The following DOCK10 variants were observed in gnomAD, a reference collection of about 807,000 sequenced individuals.
DOCK10 encodes dedicator of cytokinesis protein 10.
DOCK10 carries 145 observed loss-of-function variants against 280.1 expected under a neutral mutation model. That is an observed-to-expected ratio of 0.52 (90% CI 0.45 to 0.59). The LOEUF (loss-of-function observed/expected upper bound fraction) is 0.59, where lower values mean the gene tolerates loss of function less well. Ranked by LOEUF, DOCK10 falls within the 20% of genes least tolerant of loss-of-function variation. The pLI is 0.00. For missense variants in DOCK10, 2,368 were observed against 2,651.7 expected (o/e 0.89, Z 2.35); for synonymous variants, 915 against 942.2 (o/e 0.97, Z 0.53).
chr2:225,036,352 G>A (rs2106141088), intron 1 of DOCK10, among the ~76,000 whole-genome samples: 1 of 152,276 alleles, frequency 6.6e-6, no homozygotes, highest in South Asian at 2.1e-4. Flanking sequence ...TTTCTAAGTG[G>A]TCTAAACCTC....
intron 38 of DOCK10, 65 bp downstream of exon 38, chr2:224,804,729 A>C: frequency 9.6e-7 from 1 of 1,040,162 alleles, no homozygotes; most frequent in Non-Finnish European, 1.4e-6. Context: ...CTAACCTGAC[A>C]CATTAATACA....
chr2:224,987,658 G>T (rs575353759), intron 1 of DOCK10, among the ~76,000 whole-genome samples: 1 of 152,112 alleles, frequency 6.6e-6, no homozygotes. Context: ...CTTGTCCACA[G>T]GTCAGTCTGA....
intron 3 of DOCK10, among the ~76,000 whole-genome samples, chr2:224,906,329 A>G (rs891201657): frequency 6.6e-6 from 1 of 152,160 alleles, no homozygotes; most frequent in East Asian, 1.9e-4. Flanking sequence ...ATGCATCTGG[A>G]CTATTAAAAC....
chr2:224,830,132 G>A (rs1695130469), intron 27 of DOCK10, among the ~76,000 whole-genome samples: 1 of 152,170 alleles, frequency 6.6e-6, no homozygotes, highest in Non-Finnish European at 1.5e-5. Context: ...GAGGCCGATG[G>A]CCTTCCCAGT....
intron 50 of DOCK10, among the ~76,000 whole-genome samples, chr2:224,780,619 C>T (rs779413444): frequency 6.6e-6 from 1 of 151,862 alleles, no homozygotes; most frequent in Non-Finnish European, 1.5e-5. Flanking sequence ...TTGTCATCAT[C>T]GGCTGGGTGC....
chr2:224,852,046 G>T (rs973371175), intron 18 of DOCK10, among the ~76,000 whole-genome samples: 5 of 152,176 alleles, frequency 3.3e-5, no homozygotes, highest in Admixed American at 6.5e-5. Context: ...CGGCTGGGGT[G>T]TTCTGTTTTA....
intron 27 of DOCK10, among the ~76,000 whole-genome samples, chr2:224,824,429 CTTTTTTT>C (rs869275800): frequency 4.7e-5 from 3 of 63,602 alleles, no homozygotes; most frequent in Non-Finnish European, 8.6e-5. Flanking sequence ...TCAGACTCTG[CTTTTTTT>C]TTTTTTTTTT....
chr2:224,987,275 C>T (rs1705999787), intron 1 of DOCK10, among the ~76,000 whole-genome samples: 1 of 152,188 alleles, frequency 6.6e-6, no homozygotes, highest in South Asian at 2.1e-4. Context: ...TGATTAATAA[C>T]TAAAAATGAA....
At chr2:224,890,035 A>G (rs10174943) in intron 4 of DOCK10, among the ~76,000 whole-genome samples, 21,631 of 152,226 alleles carry the variant, frequency 0.14, 2,195 homozygotes, top group African/African-American at 0.29. Flanking sequence ...AGTGAATGAA[A>G]AAAGAGTGAA....
intron 19 of DOCK10, 139 bp downstream of exon 19, chr2:224,849,368 A>C: frequency 1.9e-6 from 1 of 515,176 alleles, no homozygotes; most frequent in Non-Finnish European, 3.4e-6. Flanking sequence ...TAGTTTAGAA[A>C]TATTGGTAAG....
chr2:224,956,030 A>G (rs1178085847), intron 1 of DOCK10, among the ~76,000 whole-genome samples: 1 of 152,270 alleles, frequency 6.6e-6, no homozygotes, highest in African/African-American at 2.4e-5. Context: ...GATGGTACAC[A>G]TAAAACACAA....
At chr2:224,969,797 A>G (rs1035533320) in intron 1 of DOCK10, among the ~76,000 whole-genome samples, 1 of 152,242 alleles carries the variant, frequency 6.6e-6, no homozygotes, top group African/African-American at 2.4e-5. Context: ...AGGATGACAC[A>G]GACTGAAGTG....
intron 1 of DOCK10, among the ~76,000 whole-genome samples, chr2:224,945,495 C>T (rs1225764849): frequency 6.6e-6 from 1 of 152,088 alleles, no homozygotes; most frequent in Non-Finnish European, 1.5e-5. Flanking sequence ...GGCAGACACA[C>T]ACTCCTGAGA....
At position 225,025,871 on chromosome 2, in the gene DOCK10, C is replaced by G. The variant is rs913935925; in HGVS notation, c.123+16381G>C. Among the ~76,000 whole-genome samples the G allele has an allele frequency of 5.3e-5, 8 of 152,052 alleles. No homozygotes were observed. In the East Asian group the frequency reaches 1.5e-3, roughly 29 times the overall value. On this transcript the variant is annotated intron_variant, in intron 1 of 55. Coordinates refer to ENST00000258390, the MANE Select transcript of DOCK10 (RefSeq NM_014689.3). ...ATATACATCTATCCATCCATCTAAC[C>G]AAGAATCATTTATGAAGCTATTATA... is the stretch of plus-strand genomic sequence containing the variant.
At chr2:224,865,156 C>T (rs1697822237) in intron 11 of DOCK10, 69 bp from the exon 12 acceptor site, 4 of 1,421,958 alleles carry the variant, frequency 2.8e-6, no homozygotes, top group South Asian at 2.4e-5. Context: ...CTCGTTAGTA[C>T]ATCATTTAAC....
chr2:224,816,740 A>G (rs1694157264), intron 29 of DOCK10, 27 bp from the exon 30 acceptor site: 1 of 1,270,936 alleles, frequency 7.9e-7, no homozygotes. Context: ...CTAAATGACT[A>G]TGACTTACAG....
chr2:224,986,521 T>C (rs1705978070), intron 1 of DOCK10, among the ~76,000 whole-genome samples: 1 of 152,168 alleles, frequency 6.6e-6, no homozygotes, highest in Non-Finnish European at 1.5e-5. Flanking sequence ...ATAGAGCTTC[T>C]AAGAAAGTAA....
chr2:224,834,301 T>C, intron 25 of DOCK10, 38 bp from the exon 26 acceptor site: 1 of 1,188,258 alleles, frequency 8.4e-7, no homozygotes, highest in Middle Eastern at 1.9e-4. Flanking sequence ...GTTAAATACT[T>C]TGAAAAATGA....
intron 11 of DOCK10, among the ~76,000 whole-genome samples, chr2:224,870,814 C>CTTTTT (rs1559614196): frequency 1.9e-5 from 2 of 106,474 alleles, no homozygotes; most frequent in African/African-American, 1.1e-4. Flanking sequence ...ATGGCCACTC[C>CTTTTT]ATTTTTTTTT....
Sources: gnomAD v4.1 joint callset for allele counts (sites outside exome capture counted in the v4.1 genomes callset) on GRCh38, gnomAD v4.1.1 for gene constraint, MANE v1.5 for transcripts, NCBI Gene and HGNC (gene_info 2026-07-23, HGNC 2026-07-21) for gene names.